CHN1: variants seen among roughly 807,000 people sequenced by gnomAD.
CHN1 encodes the protein N-chimaerin.
A neutral mutation model predicts 59.5 loss-of-function variants in CHN1; 37 were observed. That is an observed-to-expected ratio of 0.62 (90% confidence interval 0.48 to 0.82). The LOEUF (loss-of-function observed/expected upper bound fraction) is 0.82. CHN1 is among the 40% of genes least tolerant of loss of function. The pLI is 0.00. For synonymous variants in CHN1, 206 were observed against 200.4 expected (o/e 1.03, Z -0.24); for missense variants, 469 against 571.0 (o/e 0.82, Z 1.82).
rs1692016436 is a variant in CHN1, at chr2:175,004,961, G to A, written c.-49C>T. ...GCGAGTCCAGGCGCTCCTCCCAGGC[G>A]GGCTAGGGATCACCTCATCAGCCCG... On this transcript the variant is annotated 5_prime_UTR_variant, in exon 1 of 13. Coordinates refer to ENST00000409900, the MANE Select transcript of CHN1 (RefSeq NM_001822.7). The A allele has an allele frequency of 9.9e-6, 15 of 1,518,248 alleles. No individual in the cohort carries two copies. Among genetic ancestry groups the A allele is most frequent in the South Asian group, 1.2e-5 (1 of 81,700 alleles). The allele number at this position is 1,518,248 out of a possible 1,614,324, so 94.0% of individuals were successfully genotyped here.
At chr2:174,941,752 T>G (rs1479077833) in intron 3 of CHN1, among the ~76,000 whole-genome samples, 3 of 152,162 alleles carry the variant, frequency 2.0e-5, no homozygotes, top group East Asian at 3.8e-4. Context: ...TTCTTTTTTA[T>G]GGAGAACAGG....
At chr2:174,988,141 G>A (rs575249447) in intron 1 of CHN1, among the ~76,000 whole-genome samples, 1 of 152,170 alleles carries the variant, frequency 6.6e-6, no homozygotes, top group South Asian at 2.1e-4. Context: ...GGCGGATCAC[G>A]AGGTCAGGAG....
chr2:175,005,186 G>C lies in CHN1; in HGVS notation c.-274C>G. ...TTGTCGCTGCCATCAGGCGCGGAGC[G>C]TGCGCGCGGGAGGAGGTACCTGCGA... On this transcript the variant is annotated 5_prime_UTR_variant, in exon 1 of 13. Coordinates refer to ENST00000409900, the MANE Select transcript of CHN1 (RefSeq NM_001822.7). 1 of 1,252,506 alleles carries C rather than the reference G, an allele frequency of 8.0e-7. No homozygotes were observed. Among genetic ancestry groups the C allele is most frequent in the Non-Finnish European group, 1.0e-6 (1 of 995,704 alleles). 77.6% of individuals were successfully genotyped at this position (1,252,506 alleles called of 1,614,324 possible). A position where few individuals can be genotyped will look rare whatever the true frequency, so the allele number is the denominator to read the frequency against.
At chr2:174,882,120 A>C (rs1360633580) in intron 5 of CHN1, among the ~76,000 whole-genome samples, 2 of 152,182 alleles carry the variant, frequency 1.3e-5, no homozygotes. Context: ...CTTGGTGAAC[A>C]TACTTGAAGC....
intron 1 of CHN1, among the ~76,000 whole-genome samples, chr2:174,954,831 C>A (rs1466311327): frequency 1.3e-5 from 2 of 152,020 alleles, no homozygotes; most frequent in African/African-American, 2.4e-5. Context: ...TACTTTTACA[C>A]TGTTGGTGGG....
intron 7 of CHN1, among the ~76,000 whole-genome samples, chr2:174,841,556 A>G (rs939661239): frequency 6.6e-6 from 1 of 152,140 alleles, no homozygotes; most frequent in African/African-American, 2.4e-5. Flanking sequence ...GATCTGCGCT[A>G]TTTTTGTCTT....
chr2:174,885,344 G>T (rs1687866185), intron 5 of CHN1, among the ~76,000 whole-genome samples: 1 of 151,630 alleles, frequency 6.6e-6, no homozygotes, highest in Non-Finnish European at 1.5e-5. Flanking sequence ...AATATAATCA[G>T]GTTACCGTAG....
At chr2:174,916,307 A>G (rs772748850) in intron 4 of CHN1, among the ~76,000 whole-genome samples, 2 of 151,940 alleles carry the variant, frequency 1.3e-5, no homozygotes, top group Non-Finnish European at 2.9e-5. Context: ...GATTCACTTT[A>G]TTTTTTTCTG....
At chr2:174,981,025 C>T (rs1691130855) in intron 1 of CHN1, among the ~76,000 whole-genome samples, 1 of 152,038 alleles carries the variant, frequency 6.6e-6, no homozygotes, top group Admixed American at 6.6e-5. Flanking sequence ...CCAAATTTTG[C>T]ACTGTGGATA....
chr2:174,874,406 T>C (rs899033699), intron 6 of CHN1, among the ~76,000 whole-genome samples: 5 of 152,192 alleles, frequency 3.3e-5, no homozygotes, highest in African/African-American at 9.7e-5. Flanking sequence ...TGTTTTCCAA[T>C]TGATATTTCA....
chr2:174,895,032 TACACACACACAC>T (rs1688168673), intron 5 of CHN1, among the ~76,000 whole-genome samples: 1 of 144,952 alleles, frequency 6.9e-6, no homozygotes, highest in Non-Finnish European at 1.5e-5. Context: ...ACATAGTATA[TACACACACACAC>T]GCGCGCACAC....
At chr2:174,826,069 G>T (rs1260165966) in intron 7 of CHN1, among the ~76,000 whole-genome samples, 1 of 152,192 alleles carries the variant, frequency 6.6e-6, no homozygotes, top group Non-Finnish European at 1.5e-5. Context: ...GTATGTGCTT[G>T]TAACTCTTTG....
At chr2:174,819,316 TAC>T (rs1685397065) in intron 8 of CHN1, among the ~76,000 whole-genome samples, 3 of 152,222 alleles carry the variant, frequency 2.0e-5, no homozygotes, top group South Asian at 2.1e-4. Flanking sequence ...AATAAATACT[TAC>T]AGTTTATTAT....
intron 5 of CHN1, among the ~76,000 whole-genome samples, chr2:174,904,384 TTTTGTTTGTTTG>T (rs775967079): frequency 6.6e-6 from 1 of 152,302 alleles, no homozygotes; most frequent in African/African-American, 2.4e-5. Context: ...TTTTTGAATT[TTTTGTTTGTTTG>T]TTTGTTTGTT....
chr2:174,853,451 T>C (rs566774461), intron 6 of CHN1, among the ~76,000 whole-genome samples: 1 of 152,268 alleles, frequency 6.6e-6, no homozygotes, highest in South Asian at 2.1e-4. Flanking sequence ...AAACAACAGA[T>C]GCTGATGAGG....
chr2:174,990,338 G>C, intron 1 of CHN1, among the ~76,000 whole-genome samples: 2 of 143,964 alleles, frequency 1.4e-5, no homozygotes, highest in East Asian at 2.1e-4. Flanking sequence ...CGGGGGGGCG[G>C]GCAAGATGGA....
intron 6 of CHN1, chr2:174,847,750 G>GTT (rs1465201766): frequency 2.3e-6 from 1 of 427,146 alleles, no homozygotes; most frequent in Non-Finnish European, 4.5e-6. Flanking sequence ...TCTCATGTAA[G>GTT]TAAGTTTCTT....
chr2:174,981,653 C>A (rs1691151357), intron 1 of CHN1, among the ~76,000 whole-genome samples: 1 of 152,136 alleles, frequency 6.6e-6, no homozygotes, highest in Non-Finnish European at 1.5e-5. Context: ...ATACTTAATT[C>A]AATGAAGTTT....
At chr2:174,880,751 TAA>T (rs1407317668) in intron 5 of CHN1, among the ~76,000 whole-genome samples, 1 of 152,064 alleles carries the variant, frequency 6.6e-6, no homozygotes, top group African/African-American at 2.4e-5. Context: ...GTGCTAAATT[TAA>T]AAAAGTCTAT....
Sources: gnomAD v4.1 joint callset for allele counts (sites outside exome capture counted in the v4.1 genomes callset) on GRCh38, gnomAD v4.1.1 for gene constraint, MANE v1.5 for transcripts, NCBI Gene and HGNC (gene_info 2026-07-23, HGNC 2026-07-21) for gene names.